ANO2: variants seen among roughly 807,000 people sequenced by gnomAD.
The protein encoded by ANO2 is anoctamin 2, also known as anoctamin-2.
In ANO2, 101 loss-of-function variants were observed where a neutral mutation model predicts 124.2. That is an observed-to-expected ratio of 0.81 (90% CI 0.69 to 0.96). The LOEUF is 0.96. ANO2 is among the 40% of genes least tolerant of loss of function. The pLI is 0.00. For missense variants in ANO2, 1,293 were observed against 1,274.5 expected (o/e 1.01, Z -0.22); for synonymous variants, 486 against 482.5 (o/e 1.01, Z -0.09).
chr12:5,580,910 A>C (rs557037598), intron 20 of ANO2, among the ~76,000 whole-genome samples: 1,770 of 152,242 alleles, frequency 0.012, 34 homozygotes, highest in South Asian at 0.063. Context: ...AAATACACAG[A>C]TTTGTCAAGG....
At chr12:5,744,500 T>TC (rs1358420133) in intron 11 of ANO2, among the ~76,000 whole-genome samples, 183 bp from the exon 12 acceptor site, 2 of 152,178 alleles carry the variant, frequency 1.3e-5, no homozygotes, top group African/African-American at 4.8e-5. Flanking sequence ...CATACTTTGT[T>TC]CAAAAACAAC....
intron 10 of ANO2, among the ~76,000 whole-genome samples, chr12:5,793,381 T>C (rs1051302200): frequency 3.3e-5 from 5 of 152,220 alleles, no homozygotes; most frequent in African/African-American, 1.2e-4. Context: ...GCTATCCAAC[T>C]GTCTGGCCTC....
At chr12:5,708,394 G>A (rs1016543787) in intron 14 of ANO2, among the ~76,000 whole-genome samples, 3 of 152,292 alleles carry the variant, frequency 2.0e-5, no homozygotes, top group South Asian at 4.1e-4. Flanking sequence ...TTCTTAGTCA[G>A]GGCTACCAAG....
chr12:5,823,002 G>A (rs1254741369), intron 7 of ANO2, among the ~76,000 whole-genome samples: 1 of 152,136 alleles, frequency 6.6e-6, no homozygotes, highest in Admixed American at 6.5e-5. Context: ...AGAATAGCAT[G>A]GGAAAGAACA....
chr12:5,643,063 TACAC>T (rs67252256), intron 15 of ANO2, among the ~76,000 whole-genome samples: 50 of 150,088 alleles, frequency 3.3e-4, no homozygotes, highest in South Asian at 1.5e-3. Flanking sequence ...AAATCCATTT[TACAC>T]ACACACACAC....
At chr12:5,861,701 G>A (rs1050569463) in intron 3 of ANO2, among the ~76,000 whole-genome samples, 9 of 152,132 alleles carry the variant, frequency 5.9e-5, no homozygotes, top group African/African-American at 7.2e-5. Context: ...AAGGAAGGGT[G>A]GGGGGATGAG....
chr12:5,670,562 T>C (rs1419669854), intron 14 of ANO2, among the ~76,000 whole-genome samples: 1 of 152,140 alleles, frequency 6.6e-6, no homozygotes, highest in East Asian at 1.9e-4. Flanking sequence ...AGAGATGGGG[T>C]CTCACTCTAT....
intron 14 of ANO2, among the ~76,000 whole-genome samples, chr12:5,716,609 T>C (rs1319278039): frequency 1.3e-5 from 2 of 152,142 alleles, no homozygotes; most frequent in African/African-American, 4.8e-5. Context: ...TGCCACAAAT[T>C]CTCTAAACTC....
chr12:5,877,937 T>C (rs12314958), intron 3 of ANO2, among the ~76,000 whole-genome samples: 2,372 of 152,326 alleles, frequency 0.016, 54 homozygotes, highest in African/African-American at 0.055. Flanking sequence ...TAAATACAGA[T>C]GAAGCTTCAC....
chr12:5,563,626 C>A (rs1239077327), intron 24 of ANO2, 58 bp from the exon 25 acceptor site: 1 of 1,594,566 alleles, frequency 6.3e-7, no homozygotes. Flanking sequence ...GGGGAGGTGG[C>A]GGCCCTGGAG....
chr12:5,674,016 C>A (rs1431940288), intron 14 of ANO2, among the ~76,000 whole-genome samples: 1 of 152,212 alleles, frequency 6.6e-6, no homozygotes, highest in Non-Finnish European at 1.5e-5. Context: ...CTCTCCTTTT[C>A]ATCTCTGAGG....
chr12:5,704,552 C>T (rs1332779377), intron 14 of ANO2, among the ~76,000 whole-genome samples: 1 of 152,092 alleles, frequency 6.6e-6, no homozygotes, highest in African/African-American at 2.4e-5. Context: ...TGCAGCAATT[C>T]TGTTGGTGGG....
intron 10 of ANO2, among the ~76,000 whole-genome samples, chr12:5,778,137 G>T (rs1191135410): frequency 6.6e-6 from 1 of 152,016 alleles, no homozygotes; most frequent in African/African-American, 2.4e-5. Context: ...TTTATTGAGT[G>T]TCTACTCTAA....
rs1591794052 is a variant in ANO2, at chr12:5,920,944, A to G, written c.534+96T>C. On this transcript the variant is annotated intron_variant, in intron 3 of 24. Transcript: ENST00000682330. ...GAAAAAAAAGTCCACCTGCCAGAAT[A>G]AAGCCTAGGCTCTCTGTCAGGTGGC... is the stretch of plus-strand genomic sequence containing the variant. 5 of 1,351,840 alleles carry G rather than the reference A, an allele frequency of 3.7e-6. No homozygotes were observed. In the East Asian group the frequency reaches 9.3e-5, roughly 25 times the overall value. 83.7% of individuals were successfully genotyped at this position (1,351,840 alleles called of 1,614,324 possible). A position where few individuals can be genotyped will look rare whatever the true frequency, so the allele number is the denominator to read the frequency against.
At chr12:5,813,044 A>T (rs1953483485) in intron 7 of ANO2, among the ~76,000 whole-genome samples, 1 of 136,844 alleles carries the variant, frequency 7.3e-6, no homozygotes, top group Admixed American at 7.1e-5. Flanking sequence ...GAAGAAACAA[A>T]GAAAGAAAGA....
chr12:5,938,231 ATC>A (rs1434661798), intron 1 of ANO2, among the ~76,000 whole-genome samples: 3 of 152,148 alleles, frequency 2.0e-5, no homozygotes, highest in Admixed American at 6.5e-5. Context: ...CCAAATTTTT[ATC>A]TCTGTCTTCT....
intron 3 of ANO2, among the ~76,000 whole-genome samples, chr12:5,905,707 C>G (rs1940630905): frequency 6.6e-6 from 1 of 152,190 alleles, no homozygotes; most frequent in Non-Finnish European, 1.5e-5. Flanking sequence ...ACCTTGGAAT[C>G]TGCCCAATGG....
chr12:5,663,521 A>T (rs1364513681), intron 14 of ANO2, among the ~76,000 whole-genome samples: 2 of 152,044 alleles, frequency 1.3e-5, no homozygotes, highest in African/African-American at 2.4e-5. Context: ...CACAAATCCA[A>T]CTAAGACTCA....
At chr12:5,618,078 C>T (rs1204569659) in intron 16 of ANO2, among the ~76,000 whole-genome samples, 1 of 152,180 alleles carries the variant, frequency 6.6e-6, no homozygotes, top group East Asian at 1.9e-4. Context: ...AATGCTGCAT[C>T]AACTGGGGTT....
Sources: gnomAD v4.1 joint callset for allele counts (sites outside exome capture counted in the v4.1 genomes callset) on GRCh38, gnomAD v4.1.1 for gene constraint, MANE v1.5 for transcripts, NCBI Gene and HGNC (gene_info 2026-07-23, HGNC 2026-07-21) for gene names.